Variants in PIBF1 observed in about 807,000 individuals in gnomAD.
PIBF1 encodes progesterone immunomodulatory binding factor 1, also known as progesterone-induced-blocking factor 1.
In PIBF1, 90 loss-of-function variants were observed where a neutral mutation model predicts 112.5. That is an observed-to-expected ratio of 0.80 (90% CI 0.67 to 0.95). PIBF1 has a LOEUF of 0.95. PIBF1 is among the 40% of genes least tolerant of loss of function. The pLI, the probability that PIBF1 is intolerant of heterozygous loss-of-function variation, is 0.00. For missense variants in PIBF1, 915 were observed against 852.3 expected (o/e 1.07, Z -0.92); for synonymous variants, 301 against 288.6 (o/e 1.04, Z -0.44).
At chr13:72,903,741 A>G (rs2040586780) in intron 11 of PIBF1, among the ~76,000 whole-genome samples, 1 of 152,188 alleles carries the variant, frequency 6.6e-6, no homozygotes, top group South Asian at 2.1e-4. Flanking sequence ...CCTTAGTTTT[A>G]TCATAAAAGA....
intron 2 of PIBF1, among the ~76,000 whole-genome samples, chr13:72,790,555 A>C (rs906984477): frequency 1.4e-5 from 2 of 146,924 alleles, no homozygotes; most frequent in African/African-American, 5.2e-5. Flanking sequence ...AGATAGATAG[A>C]TAGATAGATA....
chr13:72,976,269 A>G (rs2043019324), intron 16 of PIBF1, among the ~76,000 whole-genome samples: 1 of 151,930 alleles, frequency 6.6e-6, no homozygotes, highest in South Asian at 2.1e-4. Flanking sequence ...GTGCAACCCT[A>G]TCTTTTAAAA....
intron 17 of PIBF1, among the ~76,000 whole-genome samples, chr13:73,014,538 G>A (rs957824848): frequency 5.9e-5 from 9 of 152,174 alleles, no homozygotes; most frequent in Non-Finnish European, 1.3e-4. Flanking sequence ...ATAGTACCAA[G>A]AGTGAACCCA....
intron 14 of PIBF1, among the ~76,000 whole-genome samples, chr13:72,955,971 G>T (rs2042434933): frequency 6.6e-6 from 1 of 152,054 alleles, no homozygotes; most frequent in Admixed American, 6.5e-5. Context: ...TATACAGCAG[G>T]CTTTTCTTGA....
chr13:72,842,854 T>C (rs2037674848), intron 9 of PIBF1, among the ~76,000 whole-genome samples: 1 of 152,238 alleles, frequency 6.6e-6, no homozygotes. Context: ...TCAAATATTT[T>C]AAATTAATTT....
intron 5 of PIBF1, among the ~76,000 whole-genome samples, chr13:72,803,631 G>A (rs1593923620): frequency 6.6e-6 from 1 of 152,168 alleles, no homozygotes; most frequent in Non-Finnish European, 1.5e-5. Context: ...AGTAAAGTGA[G>A]ATAATTTATC....
At chr13:72,966,902 C>T (rs1318342401) in intron 15 of PIBF1, among the ~76,000 whole-genome samples, 1 of 150,820 alleles carries the variant, frequency 6.6e-6, no homozygotes, top group African/African-American at 2.4e-5. Flanking sequence ...GAGTGAGACT[C>T]TGTCTCAAAA....
chr13:72,882,932 A>G (rs2039701527), intron 10 of PIBF1, among the ~76,000 whole-genome samples: 2 of 152,174 alleles, frequency 1.3e-5, no homozygotes, highest in African/African-American at 4.8e-5. Flanking sequence ...TGGTAGCTTT[A>G]TGCTTGATCA....
intron 14 of PIBF1, among the ~76,000 whole-genome samples, chr13:72,953,368 C>T (rs12865831): frequency 0.036 from 5,430 of 152,230 alleles, 146 homozygotes; most frequent in Middle Eastern, 0.072. Flanking sequence ...ATGTGCGGCA[C>T]TCCCCCTTTA....
chr13:72,921,053 A>G (rs1016557010), intron 13 of PIBF1, among the ~76,000 whole-genome samples: 10 of 152,104 alleles, frequency 6.6e-5, no homozygotes, highest in Admixed American at 2.0e-4. Flanking sequence ...TTTAATTGGA[A>G]GGAGATTTCT....
chr13:72,814,004 T>A (rs2036145748), intron 5 of PIBF1, among the ~76,000 whole-genome samples: 1 of 152,132 alleles, frequency 6.6e-6, no homozygotes, highest in African/African-American at 2.4e-5. Flanking sequence ...CCAAATAAGG[T>A]GGATAAAGTC....
chr13:72,811,594 T>G (rs1279580711), intron 5 of PIBF1, among the ~76,000 whole-genome samples: 1 of 48,836 alleles, frequency 2.0e-5, no homozygotes, highest in African/African-American at 9.3e-5. Flanking sequence ...AAACTCCGTC[T>G]CAAAAAAAAA....
chr13:72,965,544 T>A, intron 15 of PIBF1, 140 bp downstream of exon 15: 1 of 660,530 alleles, frequency 1.5e-6, no homozygotes. Context: ...ATTAAACTTT[T>A]CTTAGAAAAA....
intron 10 of PIBF1, among the ~76,000 whole-genome samples, chr13:72,854,641 A>G (rs985584955): frequency 2.0e-5 from 3 of 152,292 alleles, no homozygotes; most frequent in Non-Finnish European, 1.5e-5. Context: ...GGTGGTTTCC[A>G]GTTTGTTACT....
chr13:72,985,172 C>G (rs2138980114), intron 16 of PIBF1, among the ~76,000 whole-genome samples: 1 of 151,924 alleles, frequency 6.6e-6, no homozygotes, highest in South Asian at 2.1e-4. Context: ...CATAAGGAGA[C>G]ACACACACAA....
chr13:72,935,255 A>T (rs1299441822), intron 14 of PIBF1, among the ~76,000 whole-genome samples: 1 of 152,170 alleles, frequency 6.6e-6, no homozygotes, highest in Non-Finnish European at 1.5e-5. Context: ...AAGTGCTGGG[A>T]TTACAGGCGT....
intron 10 of PIBF1, among the ~76,000 whole-genome samples, chr13:72,866,489 A>C (rs1251514145): frequency 6.6e-6 from 1 of 152,144 alleles, no homozygotes; most frequent in African/African-American, 2.4e-5. Context: ...CTTTCAACCT[A>C]CTAGCTGTTG....
chr13:72,827,548 C>T (rs2036876924), intron 7 of PIBF1, among the ~76,000 whole-genome samples, 185 bp from the exon 8 acceptor site: 1 of 151,796 alleles, frequency 6.6e-6, no homozygotes, highest in Admixed American at 6.6e-5. Flanking sequence ...CATGCCCAGC[C>T]CCAAAAAGAG....
chr13:72,869,759 G>T (rs1009329192), intron 10 of PIBF1, among the ~76,000 whole-genome samples: 1 of 151,670 alleles, frequency 6.6e-6, no homozygotes, highest in Non-Finnish European at 1.5e-5. Flanking sequence ...TAAAGTATAA[G>T]GTATACCAAG....
Sources: gnomAD v4.1 joint callset for allele counts (sites outside exome capture counted in the v4.1 genomes callset) on GRCh38, gnomAD v4.1.1 for gene constraint, MANE v1.5 for transcripts, NCBI Gene and HGNC (gene_info 2026-07-23, HGNC 2026-07-21) for gene names.